TMEFF2: variants seen among roughly 807,000 people sequenced by gnomAD.
TMEFF2 encodes tomoregulin-2.
A neutral mutation model predicts 53.8 loss-of-function variants in TMEFF2; 28 were observed. The ratio of observed to expected loss-of-function variants is 0.52; its 90% confidence interval spans 0.39 to 0.71. The LOEUF (loss-of-function observed/expected upper bound fraction) is 0.71. Among genes scored for constraint, TMEFF2 ranks in the 30% least tolerant of loss-of-function variants. The pLI is 0.00. For missense variants in TMEFF2, 353 were observed against 455.2 expected, an observed-to-expected ratio of 0.78 and a Z score of 2.04; for synonymous variants, 162 against 166.3, an observed-to-expected ratio of 0.97 and a Z score of 0.20.
At position 192,012,513 on chromosome 2, in the gene TMEFF2, C is replaced by T. The variant is rs1686653233; in HGVS notation, c.537-13305G>A. 2.0e-5 allele frequency among the ~76,000 whole-genome samples: 3 copies of T among 152,144 alleles called. No individual in the cohort carries two copies. The South Asian group carries it at 6.2e-4, about 32-fold the overall frequency. ...GCCAACAAACCATGCAGGATACTTT[C>T]ATTATTCATCCAAATGTTGTATTAG... On this transcript the variant is annotated intron_variant, in intron 5 of 9. Transcript: ENST00000272771.
At chr2:191,961,574 GA>G (rs1692274869) in intron 7 of TMEFF2, among the ~76,000 whole-genome samples, 1 of 151,998 alleles carries the variant, frequency 6.6e-6, no homozygotes, top group Non-Finnish European at 1.5e-5. Flanking sequence ...ACTAGAAAAG[GA>G]AAAAACTGTT....
At chr2:191,961,434 T>G (rs1692270163) in intron 7 of TMEFF2, among the ~76,000 whole-genome samples, 1 of 152,208 alleles carries the variant, frequency 6.6e-6, no homozygotes, top group Non-Finnish European at 1.5e-5. Context: ...ATTTTTTACA[T>G]GTAATGACAG....
rs1401150782 is a variant in TMEFF2 at position 191,949,145 on chromosome 2, C to A, written c.*1166G>T. ...ATAATTGATTTATTTTCATCTTATTCCTTGAGAATTTTCACAGCTTATTTT... is the reference window on the plus strand; with the variant it reads ...ATAATTGATTTATTTTCATCTTATTACTTGAGAATTTTCACAGCTTATTTT... On this transcript the variant is annotated 3_prime_UTR_variant, in exon 10 of 10. Coordinates refer to ENST00000272771, the MANE Select transcript of TMEFF2 (RefSeq NM_016192.4). 2.0e-6 allele frequency: 2 copies of A among 985,026 alleles called. No homozygotes were observed. Among genetic ancestry groups the A allele is most frequent in the Non-Finnish European group, 1.2e-6 (1 of 829,750 alleles). The allele number at this position is 985,026 out of a possible 1,614,324, so 61.0% of individuals were successfully genotyped here.
At chr2:192,088,776 G>A (rs1365605631) in intron 4 of TMEFF2, among the ~76,000 whole-genome samples, 1 of 151,938 alleles carries the variant, frequency 6.6e-6, no homozygotes, top group African/African-American at 2.4e-5. Context: ...AATGTCCAAA[G>A]CCTATCACAT....
At chr2:191,998,433 A>G in intron 6 of TMEFF2, 112 bp from the exon 7 acceptor site, 1 of 720,588 alleles carries the variant, frequency 1.4e-6, no homozygotes. Flanking sequence ...AATTTTTACA[A>G]CTGTAGTTCT....
chr2:192,116,516 A>G (rs889644142), intron 4 of TMEFF2, among the ~76,000 whole-genome samples: 16 of 152,134 alleles, frequency 1.1e-4, no homozygotes, highest in Admixed American at 3.9e-4. Context: ...ATGAAAATAA[A>G]TGAATCAATT....
intron 7 of TMEFF2, among the ~76,000 whole-genome samples, chr2:191,988,953 A>G (rs908474835): frequency 7.2e-5 from 11 of 152,342 alleles, no homozygotes; most frequent in African/African-American, 2.2e-4. Flanking sequence ...TAACAACGTC[A>G]CCATAAAAAG....
At chr2:191,991,009 C>T (rs1353416175) in intron 7 of TMEFF2, among the ~76,000 whole-genome samples, 1 of 151,948 alleles carries the variant, frequency 6.6e-6, no homozygotes, top group Non-Finnish European at 1.5e-5. Flanking sequence ...TGTCTTCCTA[C>T]TGAATTTCTA....
At chr2:192,046,927 T>C (rs1687637301) in intron 5 of TMEFF2, among the ~76,000 whole-genome samples, 1 of 151,794 alleles carries the variant, frequency 6.6e-6, no homozygotes. Flanking sequence ...TTTTTTTTAA[T>C]TTTTATTTTT....
At chr2:192,059,387 G>C (rs1358002388) in intron 4 of TMEFF2, among the ~76,000 whole-genome samples, 1 of 152,106 alleles carries the variant, frequency 6.6e-6, no homozygotes, top group East Asian at 1.9e-4. Flanking sequence ...CATTAGAGTG[G>C]ACCATGGGGA....
intron 4 of TMEFF2, among the ~76,000 whole-genome samples, chr2:192,075,294 T>TATATATATAAATATATATAA (rs1553518761): frequency 1.6e-4 from 5 of 31,584 alleles, no homozygotes; most frequent in Non-Finnish European, 3.2e-4. Flanking sequence ...ATTATATATA[T>TATATATATAAATATATATAA]ATATATATAT....
intron 7 of TMEFF2, among the ~76,000 whole-genome samples, chr2:191,979,874 A>ATC (rs1685816223): frequency 6.6e-6 from 1 of 151,970 alleles, no homozygotes; most frequent in African/African-American, 2.4e-5. Context: ...CTATCTATCT[A>ATC]TATGTTTTAG....
chr2:192,002,011 T>C (rs560263452), intron 5 of TMEFF2, among the ~76,000 whole-genome samples: 1 of 134,162 alleles, frequency 7.5e-6, no homozygotes, highest in African/African-American at 3.6e-5. Context: ...CTCCAATTGG[T>C]GTATTTATTT....
rs55800219 is a variant in TMEFF2, at chr2:192,069,988, GTATATATATATATATATATATATA to G, written c.440-12237_440-12214del. ...AATGTGTGTGTGTGTGTGTGTGTGTGTATATATATATATATATATATATATATATATATATATATATATATATAT... is the reference window on the plus strand; with the variant it reads ...AATGTGTGTGTGTGTGTGTGTGTGTGTATATATATATATATATATATATAT... On this transcript the variant is annotated intron_variant, in intron 4 of 9. Coordinates refer to ENST00000272771, the MANE Select transcript of TMEFF2 (RefSeq NM_016192.4). Among the ~76,000 whole-genome samples the G allele has an allele frequency of 3.6e-3, 423 of 118,864 alleles. 8 individuals carry two copies. The highest frequency in any genetic ancestry group is 4.5e-3 in the Non-Finnish European group (252 of 55,832). The allele number at this position is 118,864 out of a possible 152,430, so 78.0% of individuals were successfully genotyped here.
chr2:192,190,481 T>C (rs1483103929), intron 2 of TMEFF2, among the ~76,000 whole-genome samples: 1 of 152,180 alleles, frequency 6.6e-6, no homozygotes, highest in Non-Finnish European at 1.5e-5. Context: ...ACTCTATCTC[T>C]CTCATGTAGT....
rs190528928 is a variant in TMEFF2 at position 192,121,342 on chromosome 2, G to A, written c.439+58326C>T. On this transcript the variant is annotated intron_variant, in intron 4 of 9. Transcript: ENST00000272771. ...ACTATGTAGAAGTTTCTTAGGTCAG[G>A]AAAGGAAATTCTGGACAGAGGTCAC... Among the ~76,000 whole-genome samples the A allele has an allele frequency of 7.2e-5, 11 of 152,220 alleles. No individual in the cohort carries two copies. In the East Asian group the frequency reaches 2.1e-3, roughly 29 times the overall value.
intron 4 of TMEFF2, among the ~76,000 whole-genome samples, chr2:192,162,989 T>A: frequency 6.6e-6 from 1 of 152,126 alleles, no homozygotes; most frequent in Non-Finnish European, 1.5e-5. Context: ...GATAATAAGA[T>A]TTTCCCCAAA....
At position 191,950,303 on chromosome 2, in the gene TMEFF2, T is replaced by C. The variant is rs1371699746; in HGVS notation, c.*8A>G. 1.9e-6 allele frequency: 3 copies of C among 1,613,262 alleles called. No individual in the cohort carries two copies. The highest frequency in any genetic ancestry group is 1.3e-5 in the African/African-American group (1 of 74,820). On this transcript the variant is annotated 3_prime_UTR_variant, in exon 10 of 10. Transcript: ENST00000272771. ...TCGGTAGTCCAGCCACTGTGAAACA[T>C]GCTCCCTTTAGATTAACCTCGTGGA...
intron 7 of TMEFF2, among the ~76,000 whole-genome samples, chr2:191,988,651 CTA>C (rs1559073690): frequency 7.0e-6 from 1 of 142,390 alleles, no homozygotes; most frequent in Non-Finnish European, 1.6e-5. Flanking sequence ...TACTTAAAAA[CTA>C]TTTTTTTTTT....
Sources: allele counts gnomAD v4.1 joint callset (sites outside exome capture counted in the v4.1 genomes callset), GRCh38; gene constraint gnomAD v4.1.1; transcripts MANE v1.5; gene names NCBI Gene and HGNC (gene_info 2026-07-23, HGNC 2026-07-21).